The following TCP11L2 variants were observed in gnomAD, a reference collection of about 807,000 sequenced individuals.
TCP11L2 encodes t-complex 11 like 2.
TCP11L2 carries 39 observed loss-of-function variants against 50.7 expected under a neutral mutation model. That is an observed-to-expected ratio of 0.77 (90% CI 0.60 to 1.01). The LOEUF (loss-of-function observed/expected upper bound fraction) is 1.01, where lower values mean the gene tolerates loss of function less well. TCP11L2 is among the 50% of genes least tolerant of loss of function. TCP11L2 has a pLI of 0.00. For missense variants in TCP11L2, 612 were observed against 614.7 expected (o/e 1.00, Z 0.05); for synonymous variants, 192 against 219.3 (o/e 0.88, Z 1.10).
intron 8 of TCP11L2, among the ~76,000 whole-genome samples, chr12:106,340,240 CT>C (rs1303201692): frequency 1.3e-5 from 2 of 152,186 alleles, no homozygotes; most frequent in African/African-American, 4.8e-5. Context: ...ATAACTCACT[CT>C]TTAATTACCT....
At chr12:106,330,415 A>G in intron 6 of TCP11L2, 3 of 629,900 alleles carry the variant, frequency 4.8e-6, no homozygotes, top group Non-Finnish European at 4.0e-6. Context: ...AGACACTTGT[A>G]TGTCCCATCC....
At chr12:106,310,747 T>G (rs2034821020) in intron 1 of TCP11L2, among the ~76,000 whole-genome samples, 1 of 152,238 alleles carries the variant, frequency 6.6e-6, no homozygotes. Context: ...AGAGAGCATG[T>G]GTCCTGCATC....
intron 9 of TCP11L2, among the ~76,000 whole-genome samples, chr12:106,345,212 G>T (rs2036195761): frequency 6.6e-6 from 1 of 152,060 alleles, no homozygotes; most frequent in Admixed American, 6.6e-5. Flanking sequence ...GCCCAGGCTG[G>T]TCTCGAACTC....
intron 1 of TCP11L2, 129 bp downstream of exon 1, chr12:106,303,070 CA>C (rs1038600826): frequency 2.6e-5 from 4 of 152,344 alleles, no homozygotes; most frequent in African/African-American, 9.6e-5. Context: ...AAGGCGGGGT[CA>C]GGGGCCATCA....
At chr12:106,330,008 T>C in intron 6 of TCP11L2, 1 of 985,524 alleles carries the variant, frequency 1.0e-6, no homozygotes, top group Non-Finnish European at 1.2e-6. Context: ...CTCTCTCTAC[T>C]CTGCACCTGT....
intron 1 of TCP11L2, chr12:106,303,834 A>G (rs2034520265): frequency 6.6e-6 from 1 of 152,226 alleles, no homozygotes; most frequent in African/African-American, 2.4e-5. Context: ...AGTAAAGGTA[A>G]GGAGGGAGAC....
In TCP11L2 at chr12:106,313,582, AAAAT is replaced by A. The variant is rs71072668; in HGVS notation, c.158-742_158-739del. Among the ~76,000 whole-genome samples the A allele has an allele frequency of 2.3e-3, 322 of 139,384 alleles. 6 individuals are homozygous for A. Among genetic ancestry groups the A allele is most frequent in the East Asian group, 0.02 (97 of 4,962 alleles). The allele number at this position is 139,384 out of a possible 152,430, so 91.4% of individuals were successfully genotyped here. Reference sequence around the variant, plus strand: ...CAACAGAGTGAGACTCCATCTCAAAAAAATAAATAAATAAATAAATAAATAAATA... The same window carrying A: ...CAACAGAGTGAGACTCCATCTCAAAAAAATAAATAAATAAATAAATAAATA... On this transcript the variant is annotated intron_variant, in intron 2 of 9. Coordinates refer to ENST00000299045, the MANE Select transcript of TCP11L2 (RefSeq NM_152772.3).
intron 6 of TCP11L2, among the ~76,000 whole-genome samples, chr12:106,332,829 T>C (rs1195973164): frequency 1.3e-5 from 2 of 152,290 alleles, no homozygotes; most frequent in Non-Finnish European, 2.9e-5. Flanking sequence ...TCTCCAAATG[T>C]CATCACAGTG....
intron 6 of TCP11L2, among the ~76,000 whole-genome samples, chr12:106,331,568 G>A (rs757963700): frequency 6.6e-6 from 1 of 152,158 alleles, no homozygotes; most frequent in South Asian, 2.1e-4. Flanking sequence ...CATTTCCTTT[G>A]TGCCAGAAAC....
chr12:106,336,188 G>A lies in TCP11L2; in HGVS notation c.1117G>A (p.Val373Ile). The A allele has an allele frequency of 1.9e-6, 3 of 1,611,064 alleles. No homozygotes were observed. The highest frequency in any genetic ancestry group is 8.5e-7 in the Non-Finnish European group (1 of 1,179,088). The change falls in exon 8 of 10, where the codon GTT becomes ATT. Residue 373 changes from valine to isoleucine, a missense_variant. Transcript: ENST00000299045. ...LASRLTRISA[V>I]LLEGMNKETF... is the part of the protein sequence containing the mutation. ...AAGCAGGTTAACAAGGATTTCAGCT[G>A]TTCTACTTGAAGGCATGAACAAAGA...
intron 5 of TCP11L2, 96 bp from the exon 6 acceptor site, chr12:106,323,414 G>T: frequency 9.0e-7 from 1 of 1,115,812 alleles, no homozygotes. Context: ...CCATTTTGGG[G>T]ATGTTTATTG....
intron 8 of TCP11L2, among the ~76,000 whole-genome samples, chr12:106,338,469 C>T (rs2035992126): frequency 3.9e-5 from 6 of 152,192 alleles, no homozygotes; most frequent in Admixed American, 3.9e-4. Flanking sequence ...TCCAGTTTTA[C>T]CCATGTTGCT....
chr12:106,323,432 C>A, intron 5 of TCP11L2, 78 bp from the exon 6 acceptor site: 4 of 1,318,544 alleles, frequency 3.0e-6, no homozygotes, highest in African/African-American at 1.5e-5. Flanking sequence ...TTGTTTTCAG[C>A]CTGGAACATA....
intron 3 of TCP11L2, among the ~76,000 whole-genome samples, chr12:106,317,004 T>C (rs193128471): frequency 4.6e-5 from 7 of 152,300 alleles, no homozygotes; most frequent in African/African-American, 1.7e-4. Flanking sequence ...AATCCTGGCT[T>C]TGCTGAGACC....
chr12:106,335,898 T>G (rs2035901413), intron 7 of TCP11L2, 72 bp downstream of exon 7: 1 of 1,556,780 alleles, frequency 6.4e-7, no homozygotes, highest in Non-Finnish European at 8.7e-7. Context: ...AATCATCTGG[T>G]CTGTGTTTCA....
chr12:106,305,222 C>T (rs913499591), intron 1 of TCP11L2, among the ~76,000 whole-genome samples: 1 of 151,790 alleles, frequency 6.6e-6, no homozygotes, highest in African/African-American at 2.4e-5. Flanking sequence ...GATACATTAG[C>T]TAACAAGGTT....
intron 8 of TCP11L2, among the ~76,000 whole-genome samples, chr12:106,337,311 T>G (rs1448644053): frequency 6.6e-6 from 1 of 152,202 alleles, no homozygotes; most frequent in African/African-American, 2.4e-5. Flanking sequence ...AGAATCCAAC[T>G]TCTCATTTTG....
At chr12:106,313,521 A>C (rs990034255) in intron 2 of TCP11L2, among the ~76,000 whole-genome samples, 1 of 151,952 alleles carries the variant, frequency 6.6e-6, no homozygotes, top group Non-Finnish European at 1.5e-5. Context: ...TGGAGGTTGC[A>C]GTGAGCTGAG....
At chr12:106,306,323 A>T (rs1017869295) in intron 1 of TCP11L2, among the ~76,000 whole-genome samples, 3 of 152,224 alleles carry the variant, frequency 2.0e-5, no homozygotes, top group African/African-American at 7.2e-5. Context: ...TCTCAGATTC[A>T]CCTATTAACA....
Sources: allele counts gnomAD v4.1 joint callset (sites outside exome capture counted in the v4.1 genomes callset), GRCh38; gene constraint gnomAD v4.1.1; transcripts MANE v1.5; gene names NCBI Gene and HGNC (gene_info 2026-07-23, HGNC 2026-07-21).